Variants in CDH12 observed in about 807,000 individuals in gnomAD.
The protein encoded by CDH12 is cadherin 12, also known as cadherin-12.
Under a neutral mutation model 74.1 loss-of-function variants are expected in CDH12, and 41 were observed. That is an observed-to-expected ratio of 0.55 (90% CI 0.43 to 0.72). CDH12 has a LOEUF of 0.72. CDH12 is among the 30% of genes least tolerant of loss of function. The probability of loss-of-function intolerance (pLI) is 0.00; values close to 1 mark genes in which losing one functional copy is unlikely to be tolerated. For missense variants in CDH12, 945 were observed against 977.2 expected, an observed-to-expected ratio of 0.97 and a Z score of 0.44; for synonymous variants, 399 against 355.0, an observed-to-expected ratio of 1.12 and a Z score of -1.39.
chr5:22,823,046 T>C (rs1581035899), intron 1 of CDH12, among the ~76,000 whole-genome samples: 1 of 152,028 alleles, frequency 6.6e-6, no homozygotes, highest in Admixed American at 6.6e-5. Flanking sequence ...TGGAATACTA[T>C]GCAGCCATAA....
At chr5:22,194,299 T>A (rs1333343767) in intron 4 of CDH12, among the ~76,000 whole-genome samples, 9 of 104,388 alleles carry the variant, frequency 8.6e-5, no homozygotes, top group African/African-American at 2.5e-4. Flanking sequence ...TTTACTTTTC[T>A]TTTTCTTTCT....
At chr5:22,521,175 C>T (rs2126685706) in intron 1 of CDH12, among the ~76,000 whole-genome samples, 1 of 151,922 alleles carries the variant, frequency 6.6e-6, no homozygotes, top group African/African-American at 2.4e-5. Flanking sequence ...GAATTCTAAA[C>T]TGTATATTTG....
intron 3 of CDH12, among the ~76,000 whole-genome samples, chr5:22,233,916 T>A (rs1385021533): frequency 6.6e-6 from 1 of 152,168 alleles, no homozygotes; most frequent in Non-Finnish European, 1.5e-5. Flanking sequence ...GAAATAATGA[T>A]CAATGCATAG....
chr5:22,419,955 A>G (rs1743566202), intron 2 of CDH12, among the ~76,000 whole-genome samples: 1 of 151,884 alleles, frequency 6.6e-6, no homozygotes, highest in Non-Finnish European at 1.5e-5. Flanking sequence ...TTCTTTTGAT[A>G]AATGTCTGTT....
At chr5:21,777,805 T>G (rs2149891638) in intron 11 of CDH12, among the ~76,000 whole-genome samples, 1 of 152,320 alleles carries the variant, frequency 6.6e-6, no homozygotes, top group South Asian at 2.1e-4. Flanking sequence ...ACTAACATTT[T>G]TAAGTTAACA....
At chr5:22,369,948 C>A (rs561990994) in intron 3 of CDH12, among the ~76,000 whole-genome samples, 1 of 152,194 alleles carries the variant, frequency 6.6e-6, no homozygotes, top group East Asian at 1.9e-4. Flanking sequence ...GCCACAGACA[C>A]AATAACAGAA....
At chr5:21,975,690 C>G (rs1384525812) in intron 5 of CDH12, among the ~76,000 whole-genome samples, 1 of 152,064 alleles carries the variant, frequency 6.6e-6, no homozygotes, top group African/African-American at 2.4e-5. Flanking sequence ...ATCTATTCTT[C>G]TGTTCATCCT....
intron 3 of CDH12, among the ~76,000 whole-genome samples, chr5:22,254,672 A>T (rs907939137): frequency 1.3e-5 from 2 of 151,642 alleles, no homozygotes; most frequent in African/African-American, 4.8e-5. Flanking sequence ...AATAAAAGTT[A>T]AAAAAAATCA....
intron 6 of CDH12, among the ~76,000 whole-genome samples, chr5:21,931,611 C>T (rs765870934): frequency 5.9e-5 from 9 of 152,138 alleles, no homozygotes; most frequent in Non-Finnish European, 1.2e-4. Context: ...AAATGAGAAG[C>T]TATGCATATT....
rs537621939 is a variant in CDH12, at chr5:21,853,419, T to C, written c.646+1252A>G. Among the ~76,000 whole-genome samples the C allele has an allele frequency of 2.0e-5, 3 of 151,692 alleles. No homozygotes were observed. The East Asian group carries it at 5.9e-4, about 30-fold the overall frequency. On this transcript the variant is annotated intron_variant, in intron 7 of 14. Transcript: ENST00000382254. Reference sequence around the variant, plus strand: ...GTCCTTATTAAACTCTACCCTCTTTTCAGGTTTACATAACGGAGTGACTCC... The same window carrying C: ...GTCCTTATTAAACTCTACCCTCTTTCCAGGTTTACATAACGGAGTGACTCC...
At chr5:22,078,048 T>C (rs1320874683) in intron 5 of CDH12, among the ~76,000 whole-genome samples, 1 of 152,084 alleles carries the variant, frequency 6.6e-6, no homozygotes, top group Non-Finnish European at 1.5e-5. Context: ...TGGTGATTCT[T>C]CTCTGTGTCT....
At chr5:22,558,915 A>T (rs936708669) in intron 1 of CDH12, among the ~76,000 whole-genome samples, 3 of 152,096 alleles carry the variant, frequency 2.0e-5, no homozygotes, top group Non-Finnish European at 4.4e-5. Flanking sequence ...TAAAATTATT[A>T]AAAACTATTA....
intron 9 of CDH12, among the ~76,000 whole-genome samples, chr5:21,811,568 C>A (rs1747745570): frequency 6.6e-6 from 1 of 151,904 alleles, no homozygotes; most frequent in Non-Finnish European, 1.5e-5. Flanking sequence ...AAGAATGAAG[C>A]CATTGAATTT....
intron 1 of CDH12, among the ~76,000 whole-genome samples, chr5:22,615,873 T>A (rs919533941): frequency 6.6e-6 from 1 of 152,068 alleles, no homozygotes; most frequent in African/African-American, 2.4e-5. Flanking sequence ...AGGGGGTAGA[T>A]CATCCACAGA....
chr5:22,471,648 T>G (rs1047512936), intron 2 of CDH12, among the ~76,000 whole-genome samples: 1 of 152,168 alleles, frequency 6.6e-6, no homozygotes, highest in East Asian at 1.9e-4. Flanking sequence ...AAATAATATT[T>G]TATCCCCATT....
chr5:22,039,047 C>T (rs1042984877), intron 5 of CDH12, among the ~76,000 whole-genome samples: 12 of 152,152 alleles, frequency 7.9e-5, no homozygotes, highest in African/African-American at 2.9e-4. Context: ...GTTCAAGCAA[C>T]AGCTGCACTC....
At chr5:22,401,166 TC>T (rs1742714453) in intron 3 of CDH12, among the ~76,000 whole-genome samples, 1 of 152,178 alleles carries the variant, frequency 6.6e-6, no homozygotes. Flanking sequence ...TCTGATTCTT[TC>T]GGACACCATT....
chr5:22,317,328 TA>T (rs1435962694), intron 3 of CDH12, among the ~76,000 whole-genome samples: 1 of 151,686 alleles, frequency 6.6e-6, no homozygotes, highest in African/African-American at 2.4e-5. Flanking sequence ...AAAAAAAAAA[TA>T]AAAAAATTAA....
At position 22,351,916 on chromosome 5, in the gene CDH12, T is replaced by A. The variant is rs192510620; in HGVS notation, c.-333+53341A>T. 5.9e-3 allele frequency among the ~76,000 whole-genome samples: 901 copies of A among 152,244 alleles called. 10 individuals carry two copies. The highest frequency in any genetic ancestry group is 0.021 in the African/African-American group (862 of 41,556). ...ATATAGTAGTAATTGAAGAAAAAAA[T>A]AATCTGGCAAACATTTCACTTTTGA... On this transcript the variant is annotated intron_variant, in intron 3 of 14. Coordinates refer to ENST00000382254, the MANE Select transcript of CDH12 (RefSeq NM_004061.5).
Sources: allele counts gnomAD v4.1 joint callset (sites outside exome capture counted in the v4.1 genomes callset), GRCh38; gene constraint gnomAD v4.1.1; transcripts MANE v1.5; gene names NCBI Gene and HGNC (gene_info 2026-07-23, HGNC 2026-07-21).